The following ZNF462 variants were observed in gnomAD, a reference collection of about 807,000 sequenced individuals.
ZNF462 encodes zinc finger PBX1-interacting protein.
ZNF462 carries 10 observed loss-of-function variants against 201.9 expected under a neutral mutation model. The observed-to-expected ratio is 0.05, with a 90% CI of 0.03 to 0.08. The LOEUF (loss-of-function observed/expected upper bound fraction) is 0.08, where lower values mean the gene tolerates loss of function less well. Among genes scored for constraint, ZNF462 ranks in the 10% least tolerant of loss-of-function variants. ZNF462 has a pLI of 1.00. For missense variants in ZNF462, 2,523 were observed against 3,168.3 expected (o/e 0.80, Z 4.89); for synonymous variants, 1,227 against 1,193.3 (o/e 1.03, Z -0.58).
rs1831907392 is a variant in ZNF462 at position 106,962,916 on chromosome 9, A to T, written c.6428-9089A>T. ...TGATGACAGTAGACAAGGAGGTGCC[A>T]GAGTCCTTGGCCTGGAGATTTTCAA... On this transcript the variant is annotated intron_variant, in intron 7 of 12. Transcript: ENST00000277225. The surrounding 1 kb of genome is among the most constrained non-coding windows in gnomAD (Gnocchi z 4.6). 6.6e-6 allele frequency among the ~76,000 whole-genome samples: 1 copy of T among 152,062 alleles called. No homozygotes were observed. The highest frequency in any genetic ancestry group is 6.6e-5 in the Admixed American group (1 of 15,250).
Position 106,929,050 on chromosome 9 carries a change from C to T in ZNF462, c.5138C>T (p.Ala1713Val), listed in dbSNP as rs1451082772. The T allele has an allele frequency of 6.2e-7, 1 of 1,613,890 alleles. No individual in the cohort carries two copies. Among genetic ancestry groups the T allele is most frequent in the Non-Finnish European group, 8.5e-7 (1 of 1,180,008 alleles). The change falls in exon 3 of 13, where the codon GCA becomes GTA. Residue 1713 changes from alanine (A) to valine (V), a missense_variant. Coordinates refer to ENST00000277225, the MANE Select transcript of ZNF462 (RefSeq NM_021224.6). This position sits in a 1 kb window ranked among gnomAD's most constrained non-coding sequence, Gnocchi z 8.7. ...AYTNPIRKGL[A>V]AHYQKRHDID... ...ACCAACCCCATCCGCAAAGGTCTGGCAGCCCACTACCAGAAGCGCCACGAC... is the reference window on the plus strand; with the variant it reads ...ACCAACCCCATCCGCAAAGGTCTGGTAGCCCACTACCAGAAGCGCCACGAC...
chr9:106,912,794 T>A (rs1026389599), intron 1 of ZNF462, among the ~76,000 whole-genome samples: 1 of 152,182 alleles, frequency 6.6e-6, no homozygotes, highest in African/African-American at 2.4e-5. Flanking sequence ...ACTTTTAGAG[T>A]AGAGTCTTCT....
At chr9:106,874,446 G>A (rs1027968713) in intron 1 of ZNF462, among the ~76,000 whole-genome samples, 1 of 152,236 alleles carries the variant, frequency 6.6e-6, no homozygotes, top group Non-Finnish European at 1.5e-5. Context: ...TGTGGATACA[G>A]TGAGAACTGG....
At chr9:106,960,659 C>T (rs1271894818) in intron 7 of ZNF462, among the ~76,000 whole-genome samples, 1 of 152,078 alleles carries the variant, frequency 6.6e-6, no homozygotes, top group African/African-American at 2.4e-5. Context: ...CTCCAAAAAA[C>T]ATTAGAAAAA....
At position 106,991,058 on chromosome 9, in the gene ZNF462, A is replaced by G. The variant is rs139421394; in HGVS notation, c.7056+6649A>G. Among the ~76,000 whole-genome samples, 16 of 152,136 alleles carry G rather than the reference A, an allele frequency of 1.1e-4. No homozygotes were observed. The East Asian group carries it at 3.1e-3, about 29-fold the overall frequency. On this transcript the variant is annotated intron_variant, in intron 10 of 12. Transcript: ENST00000277225. ...GCTGAAAATTCAAATATAAAAGTCA[A>G]GGACCATAATGCTAAAACAAGAAAT...
chr9:106,975,166 T>G (rs187634343), intron 9 of ZNF462: 2 of 152,220 alleles, frequency 1.3e-5, no homozygotes, highest in Non-Finnish European at 2.9e-5. Context: ...CCAGTCTTGA[T>G]TGGTGTTTCT....
intron 5 of ZNF462, among the ~76,000 whole-genome samples, chr9:106,934,057 A>C (rs1316523922): frequency 6.6e-6 from 1 of 152,168 alleles, no homozygotes. Flanking sequence ...AAATAATTAT[A>C]ATTGCTAACA....
Position 106,933,878 on chromosome 9 carries a change from C to G in ZNF462, c.6116+1329C>G, listed in dbSNP as rs1461917330. Among the ~76,000 whole-genome samples, 4 of 152,072 alleles carry G rather than the reference C, an allele frequency of 2.6e-5. No individual in the cohort carries two copies. Among genetic ancestry groups the G allele is most frequent in the Admixed American group, 6.5e-5 (1 of 15,268 alleles). On this transcript the variant is annotated intron_variant, in intron 5 of 12. Coordinates refer to ENST00000277225, the MANE Select transcript of ZNF462 (RefSeq NM_021224.6). This position sits in a 1 kb window ranked among gnomAD's most constrained non-coding sequence, Gnocchi z 4.3. ...CTGAGGGAGGAGACCATGAAGCTGA[C>G]TGGGGCCCTAGCTGGGGGTTCAGTT...
rs941443499 is a variant in ZNF462 at position 106,927,116 on chromosome 9, A to G, written c.3204A>G (p.Arg1068=). ...ASYFRIQKTM[R]MVSVDRGSAL... ...ACTTTAGGATCCAGAAAACTATGCG[A>G]ATGGTGTCTGTGGACAGGGGCTCTG... Residue 1068 remains arginine, a synonymous_variant, in exon 3 of 13, where the codon CGA becomes CGG. Transcript: ENST00000277225. The G allele has an allele frequency of 1.2e-6, 2 of 1,614,104 alleles. No individual in the cohort carries two copies. Among genetic ancestry groups the G allele is most frequent in the Non-Finnish European group, 1.7e-6 (2 of 1,180,050 alleles).
rs1830590707 is a variant in ZNF462, at chr9:106,935,388, A to G, written c.6117-115A>G. ...GATAAATGCCATTATTGGAAAGTAA[A>G]CAAAAGGACTTTGAACGACCTAGAA... On this transcript the variant is annotated intron_variant, in intron 5 of 12. Coordinates refer to ENST00000277225, the MANE Select transcript of ZNF462 (RefSeq NM_021224.6). The surrounding 1 kb of genome is among the most constrained non-coding windows in gnomAD (Gnocchi z 4.1). 2.6e-6 allele frequency: 2 copies of G among 776,694 alleles called. No individual in the cohort carries two copies. The highest frequency in any genetic ancestry group is 1.8e-5 in the South Asian group (1 of 54,398). The allele number at this position is 776,694 out of a possible 1,614,324, so 48.1% of individuals were successfully genotyped here. A position where few individuals can be genotyped will look rare whatever the true frequency, so the allele number is the denominator to read the frequency against.
rs1828539459 is a variant in ZNF462, at chr9:106,890,722, A to G, written c.-31+27367A>G. ...ATTCCCTGCCTTTGTCCTCTGCTCT[A>G]AGGCTCATGTCACTCGCATCATGCT... On this transcript the variant is annotated intron_variant, in intron 1 of 12. Transcript: ENST00000277225. The surrounding 1 kb of genome is among the most constrained non-coding windows in gnomAD (Gnocchi z 4.2). Among the ~76,000 whole-genome samples, 1 of 152,180 alleles carries G rather than the reference A, an allele frequency of 6.6e-6. No individual in the cohort carries two copies.
chr9:106,980,442 A>G (rs1290162747), intron 9 of ZNF462, among the ~76,000 whole-genome samples: 1 of 152,066 alleles, frequency 6.6e-6, no homozygotes, highest in Non-Finnish European at 1.5e-5. Context: ...AAACCCACCT[A>G]TGTTGTGGTG....
chr9:106,984,240 A>C lies in ZNF462; in HGVS notation c.6887A>C (p.Gln2296Pro). 1 of 1,614,088 alleles carries C rather than the reference A, an allele frequency of 6.2e-7. No homozygotes were observed. Among genetic ancestry groups the C allele is most frequent in the Non-Finnish European group, 8.5e-7 (1 of 1,179,966 alleles). ...VCRSKLSKYL[Q>P]GVVFRCDKCT... ...CGGTCCAAACTGTCCAAATACTTGC[A>C]GGGAGTAGTTTTCCGCTGTGATAAG... The change falls in exon 10 of 13, where the codon CAG becomes CCG. Residue 2296 changes from glutamine (Q) to proline (P), a missense_variant. Around this residue, in one of 15 missense-constraint regions of ZNF462, gnomAD observed 228 missense variants for 361.2 expected, o/e 0.63. Transcript: ENST00000277225. The surrounding 1 kb of genome is among the most constrained non-coding windows in gnomAD (Gnocchi z 6.4).
chr9:106,974,132 C>T lies in ZNF462; in HGVS notation c.6696-5C>T. On this transcript the variant is annotated splice_region_variant and splice_polypyrimidine_tract_variant and intron_variant, in intron 8 of 12. Coordinates refer to ENST00000277225, the MANE Select transcript of ZNF462 (RefSeq NM_021224.6). This position sits in a 1 kb window ranked among gnomAD's most constrained non-coding sequence, Gnocchi z 4.0. ...CATCACCTCTCCTCCCAAACTCTCTCCTAGATCTGCTTTTACTATGCACGT... is the reference window on the plus strand; with the variant it reads ...CATCACCTCTCCTCCCAAACTCTCTTCTAGATCTGCTTTTACTATGCACGT... The T allele has an allele frequency of 6.2e-7, 1 of 1,614,082 alleles. No homozygotes were observed. Among genetic ancestry groups the T allele is most frequent in the Non-Finnish European group, 8.5e-7 (1 of 1,180,010 alleles).
Position 106,974,485 on chromosome 9 carries a change from A to T in ZNF462, c.6832+212A>T. 1.5e-6 allele frequency: 1 copy of T among 677,508 alleles called. No individual in the cohort carries two copies. Among genetic ancestry groups the T allele is most frequent in the East Asian group, 2.8e-5 (1 of 35,622 alleles). 42.0% of individuals were successfully genotyped at this position (677,508 alleles called of 1,614,324 possible). A position where few individuals can be genotyped will look rare whatever the true frequency, so the allele number is the denominator to read the frequency against. On this transcript the variant is annotated intron_variant, in intron 9 of 12. Coordinates refer to ENST00000277225, the MANE Select transcript of ZNF462 (RefSeq NM_021224.6). This position sits in a 1 kb window ranked among gnomAD's most constrained non-coding sequence, Gnocchi z 4.0. Reference sequence around the variant, plus strand: ...ATTTCCTCCACCTGGAGGGAGGCAAAGGTGATGGATTCTGCAGTGAACATT... The same window carrying T: ...ATTTCCTCCACCTGGAGGGAGGCAATGGTGATGGATTCTGCAGTGAACATT...
chr9:106,912,347 A>G (rs1271008031), intron 1 of ZNF462, among the ~76,000 whole-genome samples: 1 of 152,236 alleles, frequency 6.6e-6, no homozygotes, highest in Non-Finnish European at 1.5e-5. Flanking sequence ...ACATGTTTCC[A>G]AAGTATAAAC....
At chr9:106,967,577 C>T (rs1832134998) in intron 7 of ZNF462, among the ~76,000 whole-genome samples, 1 of 152,072 alleles carries the variant, frequency 6.6e-6, no homozygotes, top group African/African-American at 2.4e-5. Flanking sequence ...TAGAATTCAG[C>T]CCTTACCTGG....
chr9:106,861,445 T>G (rs1214429749), upstream of ZNF462, among the ~76,000 whole-genome samples: 1 of 152,152 alleles, frequency 6.6e-6, no homozygotes, highest in Non-Finnish European at 1.5e-5. Flanking sequence ...ACACCGCGCC[T>G]TCACCGGATG....
intron 9 of ZNF462, among the ~76,000 whole-genome samples, chr9:106,983,181 G>A (rs1827575813): frequency 6.6e-6 from 1 of 152,154 alleles, no homozygotes; most frequent in South Asian, 2.1e-4. Context: ...AATTTAATTT[G>A]AGCAGTTAAA....
Sources: allele counts gnomAD v4.1 joint callset (sites outside exome capture counted in the v4.1 genomes callset), GRCh38; gene constraint gnomAD v4.1.1; regional missense constraint gnomAD v4.1.1; non-coding constraint Gnocchi (gnomAD v3.1); transcripts MANE v1.5; gene names NCBI Gene and HGNC (gene_info 2026-07-23, HGNC 2026-07-21).